The following WASL variants were observed in gnomAD, a reference collection of about 807,000 sequenced individuals.
The protein encoded by WASL is WASP like actin nucleation promoting factor, also known as actin nucleation-promoting factor WASL.
In WASL, 20 loss-of-function variants were observed where a neutral mutation model predicts 55.5. That is an observed-to-expected ratio of 0.36 (90% CI 0.25 to 0.52). The LOEUF is 0.52. Ranked by LOEUF, WASL falls within the 20% of genes least tolerant of loss-of-function variation. The pLI is 0.92. For synonymous variants in WASL, 249 were observed against 217.6 expected, an observed-to-expected ratio of 1.14 and a Z score of -1.27; for missense variants, 504 against 622.5, an observed-to-expected ratio of 0.81 and a Z score of 2.03.
chr7:123,739,874 ATATGTG>A (rs1174512956), intron 1 of WASL, among the ~76,000 whole-genome samples: 29 of 80,134 alleles, frequency 3.6e-4, no homozygotes, highest in African/African-American at 1.2e-3. Context: ...ATACATTTAT[ATATGTG>A]TGTGTGTGTG....
intron 5 of WASL, among the ~76,000 whole-genome samples, chr7:123,703,197 AAATC>A (rs1205970240): frequency 6.6e-6 from 1 of 152,158 alleles, no homozygotes; most frequent in Non-Finnish European, 1.5e-5. Flanking sequence ...TTTGCCTTCA[AAATC>A]ATCTTGACAT....
At chr7:123,725,314 T>C (rs1804023217) in intron 1 of WASL, among the ~76,000 whole-genome samples, 1 of 152,186 alleles carries the variant, frequency 6.6e-6, no homozygotes, top group South Asian at 2.1e-4. Context: ...TGCTCATCAC[T>C]ACTGTGCTAT....
At chr7:123,700,030 T>G (rs1328244184) in intron 5 of WASL, among the ~76,000 whole-genome samples, 1 of 151,270 alleles carries the variant, frequency 6.6e-6, no homozygotes, top group Non-Finnish European at 1.5e-5. Context: ...CAAAAAATTA[T>G]CCGGGCATGG....
intron 7 of WASL, among the ~76,000 whole-genome samples, chr7:123,695,150 T>G (rs1803471228): frequency 6.6e-6 from 1 of 152,106 alleles, no homozygotes. Context: ...TATTCTACCT[T>G]GTCCTAAGTA....
intron 10 of WASL, among the ~76,000 whole-genome samples, chr7:123,686,631 T>G (rs1803295482): frequency 1.3e-5 from 2 of 152,156 alleles, no homozygotes; most frequent in South Asian, 2.1e-4. Context: ...GATACCAGCA[T>G]AGAATAAATG....
At chr7:123,735,039 TAAAC>T (rs1309535470) in intron 1 of WASL, among the ~76,000 whole-genome samples, 10 of 143,588 alleles carry the variant, frequency 7.0e-5, no homozygotes, top group African/African-American at 2.6e-4. Flanking sequence ...AATATAAATA[TAAAC>T]AAACAACCAA....
chr7:123,735,451 G>A (rs1468656), intron 1 of WASL, among the ~76,000 whole-genome samples: 1 of 150,772 alleles, frequency 6.6e-6, no homozygotes, highest in Non-Finnish European at 1.5e-5. Context: ...CAGATGATAG[G>A]AGACAGGACA....
chr7:123,726,436 G>A (rs1804040915), intron 1 of WASL, among the ~76,000 whole-genome samples: 1 of 152,154 alleles, frequency 6.6e-6, no homozygotes, highest in South Asian at 2.1e-4. Context: ...AGCAGCAGAA[G>A]ACTGTGACTG....
At chr7:123,714,724 C>A (rs1228881008) in intron 1 of WASL, among the ~76,000 whole-genome samples, 1 of 152,126 alleles carries the variant, frequency 6.6e-6, no homozygotes, top group Non-Finnish European at 1.5e-5. Flanking sequence ...ACAAGGTCCT[C>A]ATAAAACATC....
At chr7:123,727,375 AC>A (rs1804065261) in intron 1 of WASL, among the ~76,000 whole-genome samples, 2 of 152,048 alleles carry the variant, frequency 1.3e-5, no homozygotes, top group African/African-American at 4.8e-5. Context: ...ACACACACAC[AC>A]ACACACAAAC....
intron 1 of WASL, among the ~76,000 whole-genome samples, chr7:123,710,745 T>C (rs896115250): frequency 2.6e-5 from 4 of 152,148 alleles, no homozygotes; most frequent in Middle Eastern, 3.4e-3. Flanking sequence ...AAACAAAAAA[T>C]GTGTATCCTG....
At chr7:123,712,958 T>A (rs1302679545) in intron 1 of WASL, among the ~76,000 whole-genome samples, 1 of 152,106 alleles carries the variant, frequency 6.6e-6, no homozygotes, top group East Asian at 1.9e-4. Flanking sequence ...GGTATTTCTT[T>A]GACTACAGAA....
At chr7:123,716,338 C>T (rs1234113018) in intron 1 of WASL, among the ~76,000 whole-genome samples, 1 of 152,144 alleles carries the variant, frequency 6.6e-6, no homozygotes, top group Non-Finnish European at 1.5e-5. Context: ...ACCTCAGCCT[C>T]CCAAGAAGCT....
intron 1 of WASL, among the ~76,000 whole-genome samples, chr7:123,738,191 C>T (rs1386626310): frequency 6.6e-6 from 1 of 151,818 alleles, no homozygotes; most frequent in East Asian, 1.9e-4. Context: ...ATAAATATAA[C>T]TTGATATAAG....
chr7:123,710,521 A>ATAGTATCTTTTATAATAGT (rs1277200456), intron 1 of WASL, among the ~76,000 whole-genome samples: 1 of 152,148 alleles, frequency 6.6e-6, no homozygotes, highest in Non-Finnish European at 1.5e-5. Flanking sequence ...TATATGCACA[A>ATAGTATCTTTTATAATAGT]ATCTTTTATA....
chr7:123,706,592 A>G (rs535338028), intron 3 of WASL, 148 bp downstream of exon 3: 17 of 750,106 alleles, frequency 2.3e-5, no homozygotes, highest in Middle Eastern at 2.5e-4. Flanking sequence ...CAGCAGACAC[A>G]TATACTAATT....
At chr7:123,710,394 T>C (rs962930693) in intron 1 of WASL, among the ~76,000 whole-genome samples, 2 of 151,946 alleles carry the variant, frequency 1.3e-5, no homozygotes, top group African/African-American at 4.8e-5. Context: ...TTCAACGGAA[T>C]TTGGGCTCTG....
Position 123,741,333 on chromosome 7 carries a change from T to C in WASL, c.117+7285A>G, listed in dbSNP as rs79294440. Among the ~76,000 whole-genome samples the C allele has an allele frequency of 1.8e-3, 275 of 152,360 alleles. 6 individuals carry two copies. In the East Asian group the frequency reaches 0.048, roughly 27 times the overall value. The stretch of plus-strand genomic sequence containing the variant: ...ATATATGCTACAGAAACTTAGCTCT[T>C]GTTTATATCAATTACCCTATGGTAA... On this transcript the variant is annotated intron_variant, in intron 1 of 10. Coordinates refer to ENST00000223023, the MANE Select transcript of WASL (RefSeq NM_003941.4).
rs1554406247 is a variant in WASL at position 123,727,353 on chromosome 7, T to TCGCACACACACACACA, written c.118-18131_118-18130insTGTGTGTGTGTGTGCG. ...TGCCCAAAAGAAATAAAAATATGTGTCACACACACACACACACACACACAC... is the reference window on the plus strand; with the variant it reads ...TGCCCAAAAGAAATAAAAATATGTGTCGCACACACACACACACACACACACACACACACACACACAC... On this transcript the variant is annotated intron_variant, in intron 1 of 10. Coordinates refer to ENST00000223023, the MANE Select transcript of WASL (RefSeq NM_003941.4). Among the ~76,000 whole-genome samples the TCGCACACACACACACA allele has an allele frequency of 7.9e-3, 1,172 of 147,798 alleles. 15 individuals are homozygous for TCGCACACACACACACA. The highest frequency in any genetic ancestry group is 0.027 in the African/African-American group (1,069 of 39,992).
Sources: gnomAD v4.1 joint callset for allele counts (sites outside exome capture counted in the v4.1 genomes callset) on GRCh38, gnomAD v4.1.1 for gene constraint, MANE v1.5 for transcripts, NCBI Gene and HGNC (gene_info 2026-07-23, HGNC 2026-07-21) for gene names.